PTPRG: variants seen among roughly 807,000 people sequenced by gnomAD.
PTPRG encodes the protein receptor-type tyrosine-protein phosphatase gamma.
PTPRG carries 102 observed loss-of-function variants against 165.3 expected under a neutral mutation model. The observed-to-expected ratio is 0.62, with a 90% CI of 0.53 to 0.73. The LOEUF (loss-of-function observed/expected upper bound fraction) is 0.73, where lower values mean the gene tolerates loss of function less well. Ranked by LOEUF, PTPRG falls within the 30% of genes least tolerant of loss-of-function variation. The probability of loss-of-function intolerance (pLI) is 0.00; values close to 1 mark genes in which losing one functional copy is unlikely to be tolerated. For missense variants in PTPRG, 1,866 were observed against 1,861.4 expected (o/e 1.00, Z -0.05); for synonymous variants, 675 against 669.5 (o/e 1.01, Z -0.13).
At chr3:61,673,217 C>G (rs1703097265) in intron 1 of PTPRG, among the ~76,000 whole-genome samples, 1 of 152,094 alleles carries the variant, frequency 6.6e-6, no homozygotes, top group African/African-American at 2.4e-5. Context: ...ATAAGTTGTC[C>G]CTGCATGTAA....
chr3:62,200,387 C>T (rs1700070288), intron 10 of PTPRG, among the ~76,000 whole-genome samples: 1 of 152,120 alleles, frequency 6.6e-6, no homozygotes, highest in Admixed American at 6.5e-5. Flanking sequence ...TCTCCTGCCT[C>T]AGCCTCCCGA....
chr3:62,206,137 T>A (rs1271207558), intron 12 of PTPRG, among the ~76,000 whole-genome samples: 1 of 152,098 alleles, frequency 6.6e-6, no homozygotes, highest in Non-Finnish European at 1.5e-5. Flanking sequence ...TGGGAGTATT[T>A]ACAGTTTGAG....
intron 1 of PTPRG, among the ~76,000 whole-genome samples, chr3:61,591,896 A>G (rs963085577): frequency 2.6e-5 from 4 of 152,188 alleles, no homozygotes; most frequent in African/African-American, 7.2e-5. Flanking sequence ...AGGATCCTTA[A>G]GAATTGTTCC....
intron 1 of PTPRG, among the ~76,000 whole-genome samples, chr3:61,610,156 C>A (rs1329156446): frequency 6.6e-6 from 1 of 151,146 alleles, no homozygotes; most frequent in Admixed American, 6.6e-5. Context: ...GTTTCCTAAT[C>A]TGTAAAATGA....
chr3:61,910,061 T>G (rs2038761425), intron 2 of PTPRG, among the ~76,000 whole-genome samples: 1 of 152,216 alleles, frequency 6.6e-6, no homozygotes, highest in Non-Finnish European at 1.5e-5. Context: ...ATTAGTAGTA[T>G]TTTTAATTCA....
intron 5 of PTPRG, among the ~76,000 whole-genome samples, chr3:62,081,112 C>T (rs1380475861): frequency 6.6e-6 from 1 of 151,782 alleles, no homozygotes; most frequent in African/African-American, 2.4e-5. Flanking sequence ...AAAAAATTAG[C>T]CGGGCGTGGT....
At chr3:62,223,384 T>C (rs973542594) in intron 13 of PTPRG, among the ~76,000 whole-genome samples, 1 of 152,186 alleles carries the variant, frequency 6.6e-6, no homozygotes, top group Non-Finnish European at 1.5e-5. Context: ...AAGGTGTGAA[T>C]TTGTTTTGGG....
intron 5 of PTPRG, among the ~76,000 whole-genome samples, chr3:62,109,919 T>TA (rs978500950): frequency 6.6e-6 from 1 of 152,092 alleles, no homozygotes; most frequent in African/African-American, 2.4e-5. Flanking sequence ...GCCATTCCTA[T>TA]AAACCATCAC....
At chr3:61,607,180 G>A (rs552576081) in intron 1 of PTPRG, among the ~76,000 whole-genome samples, 1 of 152,140 alleles carries the variant, frequency 6.6e-6, no homozygotes, top group Non-Finnish European at 1.5e-5. Flanking sequence ...CATTCTAGGG[G>A]TCTAGAATTG....
intron 1 of PTPRG, among the ~76,000 whole-genome samples, chr3:61,703,505 C>CT (rs550388492): frequency 4.6e-5 from 7 of 152,294 alleles, no homozygotes; most frequent in African/African-American, 1.7e-4. Flanking sequence ...AATGGTATTT[C>CT]TAAGGCATTC....
chr3:61,802,251 G>A (rs1383870150), intron 2 of PTPRG, among the ~76,000 whole-genome samples: 3 of 152,106 alleles, frequency 2.0e-5, no homozygotes, highest in Admixed American at 1.3e-4. Flanking sequence ...AGTTTGGGTG[G>A]AACTTTTAAA....
intron 2 of PTPRG, among the ~76,000 whole-genome samples, chr3:61,832,332 A>G (rs2036322067): frequency 6.6e-6 from 1 of 152,224 alleles, no homozygotes; most frequent in Admixed American, 6.5e-5. Context: ...ACATTATTAT[A>G]TGCTCAAAAC....
At chr3:62,174,198 A>C (rs1429779477) in intron 8 of PTPRG, among the ~76,000 whole-genome samples, 1 of 152,204 alleles carries the variant, frequency 6.6e-6, no homozygotes, top group African/African-American at 2.4e-5. Flanking sequence ...AGACTTTTGG[A>C]ACAGGGAACA....
At chr3:61,842,378 A>G (rs1410050240) in intron 2 of PTPRG, among the ~76,000 whole-genome samples, 1 of 152,196 alleles carries the variant, frequency 6.6e-6, no homozygotes, top group Non-Finnish European at 1.5e-5. Context: ...GTGAGCAGCA[A>G]TCCTTGACTC....
Position 61,871,163 on chromosome 3 carries a change from G to GTGTTATGTTA in PTPRG, c.191-118401_191-118392dup, listed in dbSNP as rs201503322. Among the ~76,000 whole-genome samples, 441 of 116,654 alleles carry GTGTTATGTTA rather than the reference G, an allele frequency of 3.8e-3. 13 individuals are homozygous for GTGTTATGTTA. The highest frequency in any genetic ancestry group is 5.8e-3 in the Non-Finnish European group (314 of 54,510). 76.5% of individuals were successfully genotyped at this position (116,654 alleles called of 152,430 possible). On this transcript the variant is annotated intron_variant, in intron 2 of 29. Transcript: ENST00000474889. ...GTGTTGTGTTGTGTTGTGTTGTGTT[G>GTGTTATGTTA]TGTTATGTTATGTTATGTTATGTTA...
intron 1 of PTPRG, among the ~76,000 whole-genome samples, chr3:61,644,476 T>G (rs1702148971): frequency 6.6e-6 from 1 of 152,070 alleles, no homozygotes; most frequent in African/African-American, 2.4e-5. Flanking sequence ...GCCCAGTGGG[T>G]TTTTGGTATA....
intron 4 of PTPRG, among the ~76,000 whole-genome samples, chr3:62,075,845 T>C (rs1311169218): frequency 6.6e-6 from 1 of 152,104 alleles, no homozygotes; most frequent in Non-Finnish European, 1.5e-5. Context: ...AGTAGGGAAA[T>C]AGAGGTCATG....
chr3:62,005,740 G>T (rs1478503486), intron 4 of PTPRG, among the ~76,000 whole-genome samples: 2 of 106,222 alleles, frequency 1.9e-5, no homozygotes, highest in African/African-American at 3.7e-5. Context: ...TCACTCTGTT[G>T]CCCAGGCTGG....
intron 2 of PTPRG, among the ~76,000 whole-genome samples, chr3:61,864,665 C>A (rs2037357084): frequency 6.6e-6 from 1 of 151,970 alleles, no homozygotes; most frequent in South Asian, 2.1e-4. Context: ...CTGTTGCTGT[C>A]TTTAAATCCG....
Sources: allele counts gnomAD v4.1 joint callset (sites outside exome capture counted in the v4.1 genomes callset), GRCh38; gene constraint gnomAD v4.1.1; transcripts MANE v1.5; gene names NCBI Gene and HGNC (gene_info 2026-07-23, HGNC 2026-07-21).